Variants in PLCL2 observed in about 807,000 individuals in gnomAD.
PLCL2 encodes the protein inactive phospholipase C-like protein 2.
PLCL2 carries 4 observed loss-of-function variants against 79.6 expected under a neutral mutation model. The ratio of observed to expected loss-of-function variants is 0.05; its 90% confidence interval spans 0.02 to 0.11. The LOEUF is 0.11. Ranked by LOEUF, PLCL2 falls within the 10% of genes least tolerant of loss-of-function variation. PLCL2 has a pLI of 1.00. For synonymous variants in PLCL2, 484 were observed against 457.7 expected (o/e 1.06, Z -0.73); for missense variants, 895 against 1,291.0 (o/e 0.69, Z 4.70).
rs1191963930 is a variant in PLCL2, at chr3:17,006,398, C to T, written c.328-3276C>T. ...TTCTGCTGACTGTGGAAGACCATTTCGCCAGCTTCTCCTGTATTCACATCC... is the reference window on the plus strand; with the variant it reads ...TTCTGCTGACTGTGGAAGACCATTTTGCCAGCTTCTCCTGTATTCACATCC... On this transcript the variant is annotated intron_variant, in intron 1 of 5. Transcript: ENST00000615277. Among the ~76,000 whole-genome samples, 73 of 152,352 alleles carry T rather than the reference C, an allele frequency of 4.8e-4. 1 individual carries two copies. Among genetic ancestry groups the T allele is most frequent in the Non-Finnish European group, 2.4e-4 (16 of 68,038 alleles).
At chr3:17,071,834 T>G (rs1480381881) in intron 5 of PLCL2, among the ~76,000 whole-genome samples, 1 of 152,048 alleles carries the variant, frequency 6.6e-6, no homozygotes, top group Non-Finnish European at 1.5e-5. Context: ...TCTTTTTTTT[T>G]TTTCTTTTTT....
intron 1 of PLCL2, among the ~76,000 whole-genome samples, chr3:16,968,328 G>T (rs1230047486): frequency 1.3e-5 from 2 of 152,002 alleles, no homozygotes; most frequent in African/African-American, 4.8e-5. Context: ...TAGTTTGATA[G>T]GAATAGCATT....
rs1033054588 is a variant in PLCL2, at chr3:17,009,085, A to G, written c.328-589A>G. 3.3e-5 allele frequency among the ~76,000 whole-genome samples: 5 copies of G among 152,072 alleles called. No homozygotes were observed. The highest frequency in any genetic ancestry group is 6.6e-5 in the Admixed American group (1 of 15,254). On this transcript the variant is annotated intron_variant, in intron 1 of 5. Coordinates refer to ENST00000615277, the MANE Select transcript of PLCL2 (RefSeq NM_001144382.2). This position sits in a 1 kb window ranked among gnomAD's most constrained non-coding sequence, Gnocchi z 4.0. ...CTGCAACCTTTGCCTCACGGATTCA[A>G]ACGATTCTCCTGCCTCAGCCTCCCG...
At chr3:16,970,138 G>A (rs1157414533) in intron 1 of PLCL2, among the ~76,000 whole-genome samples, 1 of 151,400 alleles carries the variant, frequency 6.6e-6, no homozygotes, top group Non-Finnish European at 1.5e-5. Flanking sequence ...GTATACATGT[G>A]CCATGCTGGT....
intron 4 of PLCL2, among the ~76,000 whole-genome samples, chr3:17,053,332 T>C (rs376002889): frequency 1.3e-5 from 2 of 152,020 alleles, no homozygotes; most frequent in East Asian, 3.9e-4. Context: ...ATGCGCTCTT[T>C]TAAACAACCA....
At chr3:17,071,441 A>AT (rs1440534591) in intron 5 of PLCL2, among the ~76,000 whole-genome samples, 3 of 152,124 alleles carry the variant, frequency 2.0e-5, no homozygotes. Context: ...ACTTCCAGTC[A>AT]TTTTTTTTCT....
chr3:16,967,236 A>G (rs1467114725), intron 1 of PLCL2, among the ~76,000 whole-genome samples: 1 of 152,134 alleles, frequency 6.6e-6, no homozygotes, highest in African/African-American at 2.4e-5. Flanking sequence ...AAACACATGC[A>G]TGTGTCTCTA....
chr3:16,916,907 A>G (rs963331757), intron 1 of PLCL2, among the ~76,000 whole-genome samples: 1 of 152,068 alleles, frequency 6.6e-6, no homozygotes, highest in African/African-American at 2.4e-5. Context: ...CTGTACCTCA[A>G]AGGGTGGAGG....
intron 4 of PLCL2, among the ~76,000 whole-genome samples, chr3:17,049,435 A>G (rs1175248826): frequency 6.6e-6 from 1 of 152,198 alleles, no homozygotes; most frequent in Non-Finnish European, 1.5e-5. Flanking sequence ...AAAAGCCTAA[A>G]GACTCCACCA....
chr3:17,008,655 CAG>C (rs1174815076), intron 1 of PLCL2, among the ~76,000 whole-genome samples: 1 of 152,044 alleles, frequency 6.6e-6, no homozygotes, highest in African/African-American at 2.4e-5. Flanking sequence ...TACGTAGAAA[CAG>C]GGCCTGTTTC....
At chr3:16,905,316 C>G (rs1022573809) in intron 1 of PLCL2, among the ~76,000 whole-genome samples, 5 of 152,164 alleles carry the variant, frequency 3.3e-5, no homozygotes, top group Non-Finnish European at 7.3e-5. Context: ...ATTCCCCACT[C>G]AGTACTACCT....
chr3:17,059,450 G>GTGTGTGTATATATATACACT (rs149375146), intron 4 of PLCL2, among the ~76,000 whole-genome samples: 4 of 147,146 alleles, frequency 2.7e-5, no homozygotes, highest in East Asian at 2.0e-4. Flanking sequence ...ATGTGTGTGT[G>GTGTGTGTATATATATACACT]TGTATATATA....
intron 1 of PLCL2, among the ~76,000 whole-genome samples, chr3:16,955,034 G>T (rs1290728803): frequency 6.6e-6 from 1 of 152,166 alleles, no homozygotes; most frequent in Non-Finnish European, 1.5e-5. Flanking sequence ...AGTTTAATTA[G>T]ATCCCATTTG....
At chr3:16,967,511 T>C (rs1380605870) in intron 1 of PLCL2, among the ~76,000 whole-genome samples, 1 of 152,128 alleles carries the variant, frequency 6.6e-6, no homozygotes. Flanking sequence ...ATTTCTCTAA[T>C]GATTATTGTT....
At chr3:16,913,460 A>G (rs1251013555) in intron 1 of PLCL2, among the ~76,000 whole-genome samples, 1 of 151,766 alleles carries the variant, frequency 6.6e-6, no homozygotes, top group Non-Finnish European at 1.5e-5. Flanking sequence ...TTTCTCAATT[A>G]TATTTTCAGA....
intron 1 of PLCL2, among the ~76,000 whole-genome samples, chr3:16,965,636 A>G (rs1322783987): frequency 1.2e-4 from 18 of 152,074 alleles, no homozygotes; most frequent in Non-Finnish European, 2.2e-4. Context: ...CACGATATTG[A>G]TTCTTCCTAT....
intron 1 of PLCL2, among the ~76,000 whole-genome samples, chr3:16,915,275 T>G (rs1696967270): frequency 6.6e-6 from 1 of 152,236 alleles, no homozygotes. Context: ...CATTGAAATT[T>G]TTATATTTAT....
chr3:16,986,631 G>T (rs111431780), intron 1 of PLCL2, among the ~76,000 whole-genome samples: 3,676 of 152,130 alleles, frequency 0.024, 160 homozygotes, highest in African/African-American at 0.083. Context: ...TCTAACTCCT[G>T]ACCTCAAGTG....
intron 4 of PLCL2, among the ~76,000 whole-genome samples, chr3:17,066,243 G>A (rs2065010250): frequency 6.6e-6 from 1 of 152,162 alleles, no homozygotes; most frequent in Non-Finnish European, 1.5e-5. Context: ...TTAGTTCCCT[G>A]GAGAGTGGAA....
Sources: allele counts gnomAD v4.1 joint callset (sites outside exome capture counted in the v4.1 genomes callset), GRCh38; gene constraint gnomAD v4.1.1; non-coding constraint Gnocchi (gnomAD v3.1); transcripts MANE v1.5; gene names NCBI Gene and HGNC (gene_info 2026-07-23, HGNC 2026-07-21).